The following ATP9A variants were observed in gnomAD, a reference collection of about 807,000 sequenced individuals.
ATP9A encodes probable phospholipid-transporting ATPase IIA.
In ATP9A, 52 loss-of-function variants were observed where a neutral mutation model predicts 144.1. The ratio of observed to expected loss-of-function variants is 0.36; its 90% CI spans 0.29 to 0.45. The LOEUF (loss-of-function observed/expected upper bound fraction) is 0.45. ATP9A is among the 20% of genes least tolerant of loss of function. ATP9A has a pLI of 1.00. For synonymous variants in ATP9A, 582 were observed against 557.4 expected, an observed-to-expected ratio of 1.04 and a Z score of -0.62; for missense variants, 947 against 1,392.7, an observed-to-expected ratio of 0.68 and a Z score of 5.09.
intron 7 of ATP9A, 102 bp downstream of exon 7, chr20:51,693,906 A>T: frequency 9.7e-7 from 1 of 1,030,716 alleles, no homozygotes; most frequent in Non-Finnish European, 1.5e-6. Flanking sequence ...TACTGGCCCC[A>T]CTTCACAAGT....
At chr20:51,626,936 A>G (rs576433208) in intron 17 of ATP9A, among the ~76,000 whole-genome samples, 1 of 152,136 alleles carries the variant, frequency 6.6e-6, no homozygotes, top group South Asian at 2.1e-4. Context: ...GGGCAACTGT[A>G]ATCCCAGCTA....
chr20:51,758,189 C>T (rs1482628802), intron 1 of ATP9A, among the ~76,000 whole-genome samples: 2 of 152,154 alleles, frequency 1.3e-5, no homozygotes, highest in African/African-American at 4.8e-5. Flanking sequence ...AAAATAATTG[C>T]TAACCTTTCA....
Position 51,613,782 on chromosome 20 carries a change from C to T in ATP9A, c.2466G>A (p.Lys822=), listed in dbSNP as rs766656395. 6 of 1,613,956 alleles carry T rather than the reference C, an allele frequency of 3.7e-6. No individual in the cohort carries two copies. The African/African-American group carries it at 4.0e-5, about 11-fold the overall frequency. ...GCACCATAAGCAACCGGCCAAGATG[C>T]TTAAATTGAGTGATGGAGAAGTCTG... ...LAADFSITQF[K]HLGRLLMVHG... Residue 822 remains lysine (K), a synonymous_variant, in exon 23 of 28, where the codon AAG becomes AAA. Transcript: ENST00000338821.
chr20:51,715,648 C>G (rs1011217707), intron 3 of ATP9A, among the ~76,000 whole-genome samples: 3 of 152,190 alleles, frequency 2.0e-5, no homozygotes, highest in African/African-American at 7.2e-5. Context: ...ACACACAGTT[C>G]TCATTAATCC....
At position 51,692,099 on chromosome 20, in the gene ATP9A, G is replaced by A. The variant is rs988271944; in HGVS notation, c.643-1280C>T. 2.6e-5 allele frequency among the ~76,000 whole-genome samples: 4 copies of A among 152,194 alleles called. No homozygotes were observed. The East Asian group carries it at 5.8e-4, about 22-fold the overall frequency. ...GCTTGCCAGGGGCTGGGCCAAGGGG[G>A]GAATGTAGTTACTGCTTAATGAGTC... On this transcript the variant is annotated intron_variant, in intron 7 of 27. Transcript: ENST00000338821.
At chr20:51,766,842 T>A in intron 1 of ATP9A, among the ~76,000 whole-genome samples, 1 of 151,610 alleles carries the variant, frequency 6.6e-6, no homozygotes, top group African/African-American at 2.4e-5. Flanking sequence ...TCCGTCTCAA[T>A]AATAATAATA....
intron 4 of ATP9A, 56 bp downstream of exon 4, chr20:51,712,910 T>G: frequency 4.1e-6 from 6 of 1,464,942 alleles, no homozygotes; most frequent in South Asian, 2.4e-5. Context: ...CTCCCCTGAC[T>G]GTCAGCGGCC....
intron 14 of ATP9A, among the ~76,000 whole-genome samples, chr20:51,642,726 CAAAAAAAAAAA>C (rs778440862): frequency 2.0e-3 from 62 of 31,134 alleles, no homozygotes; most frequent in East Asian, 9.6e-3. Context: ...ACTCTGTCTC[CAAAAAAAAAAA>C]AAAAAAAAAA....
At chr20:51,705,440 C>T (rs2077610996) in intron 4 of ATP9A, among the ~76,000 whole-genome samples, 1 of 152,060 alleles carries the variant, frequency 6.6e-6, no homozygotes, top group South Asian at 2.1e-4. Context: ...GATATCAGGT[C>T]GATTTTTTAT....
Position 51,598,618 on chromosome 20 carries a change from CCA to C in ATP9A, c.*2591_*2592del, listed in dbSNP as rs2077129231. 6.6e-6 allele frequency: 1 copy of C among 152,180 alleles called. No homozygotes were observed. The highest frequency in any genetic ancestry group is 1.5e-5 in the Non-Finnish European group (1 of 68,036). 9.4% of individuals were successfully genotyped at this position (152,180 alleles called of 1,614,324 possible). A position where few individuals can be genotyped will look rare whatever the true frequency, so the allele number is the denominator to read the frequency against. On this transcript the variant is annotated 3_prime_UTR_variant, in exon 28 of 28. Coordinates refer to ENST00000338821, the MANE Select transcript of ATP9A (RefSeq NM_006045.3). ...TTTGCTTATTTCTTTGTCTTCCCCA[CCA>C]CAACTAAGATGACCTCCGAGAAGTA...
At chr20:51,655,731 C>T (rs2077384353) in intron 14 of ATP9A, among the ~76,000 whole-genome samples, 1 of 152,064 alleles carries the variant, frequency 6.6e-6, no homozygotes, top group Admixed American at 6.6e-5. Context: ...GACAGCTCCT[C>T]AAAAGGTTAA....
chr20:51,736,643 C>G (rs906206013), intron 1 of ATP9A, among the ~76,000 whole-genome samples: 1 of 152,018 alleles, frequency 6.6e-6, no homozygotes, highest in African/African-American at 2.4e-5. Context: ...GCGGGAGCCA[C>G]CGCGCCTGGC....
At chr20:51,649,812 G>A (rs1964826) in intron 14 of ATP9A, among the ~76,000 whole-genome samples, 68,130 of 151,500 alleles carry the variant, frequency 0.45, 16,782 homozygotes, top group East Asian at 0.8. Context: ...TACTTGGGAG[G>A]TGAGGCAAGA....
chr20:51,677,578 G>A (rs1487103423), intron 9 of ATP9A, among the ~76,000 whole-genome samples: 1 of 152,164 alleles, frequency 6.6e-6, no homozygotes, highest in African/African-American at 2.4e-5. Context: ...GAGGTGCCTA[G>A]AACATTCCTA....
chr20:51,739,020 C>T (rs904220808), intron 1 of ATP9A, among the ~76,000 whole-genome samples: 5 of 152,136 alleles, frequency 3.3e-5, no homozygotes, highest in African/African-American at 7.2e-5. Context: ...ACCTGGGAGG[C>T]GGAGGTTGCA....
intron 15 of ATP9A, among the ~76,000 whole-genome samples, chr20:51,630,784 T>C (rs1021265550): frequency 9.2e-5 from 14 of 152,172 alleles, no homozygotes; most frequent in African/African-American, 3.4e-4. Flanking sequence ...CCCCGATTCC[T>C]ACTTAATTCA....
chr20:51,759,394 C>T (rs1449209787), intron 1 of ATP9A, among the ~76,000 whole-genome samples: 7 of 152,190 alleles, frequency 4.6e-5, no homozygotes, highest in African/African-American at 1.4e-4. Context: ...CACACACGGC[C>T]GGGTGCGGTG....
At chr20:51,681,756 T>C (rs931577212) in intron 9 of ATP9A, among the ~76,000 whole-genome samples, 1 of 152,100 alleles carries the variant, frequency 6.6e-6, no homozygotes, top group African/African-American at 2.4e-5. Context: ...ATAAATCCCA[T>C]GTTGTGGGCA....
intron 19 of ATP9A, among the ~76,000 whole-genome samples, chr20:51,619,834 A>T: frequency 7.3e-6 from 1 of 136,316 alleles, no homozygotes; most frequent in Non-Finnish European, 1.5e-5. Context: ...ATGCCATTGC[A>T]CTCCAGCCTG....
Sources: gnomAD v4.1 joint callset for allele counts (sites outside exome capture counted in the v4.1 genomes callset) on GRCh38, gnomAD v4.1.1 for gene constraint, MANE v1.5 for transcripts, NCBI Gene and HGNC (gene_info 2026-07-23, HGNC 2026-07-21) for gene names.